The following FGF3 variants were observed in gnomAD, a reference collection of about 807,000 sequenced individuals.
FGF3 encodes the protein FGF-3.
FGF3 carries 7 observed loss-of-function variants against 9.8 expected under a neutral mutation model. That is an observed-to-expected ratio of 0.72 (90% CI 0.41 to 1.35). The LOEUF (loss-of-function observed/expected upper bound fraction) is 1.35, where lower values mean the gene tolerates loss of function less well. Ranked by LOEUF, FGF3 falls within the 40% of genes most tolerant of loss-of-function variation. The pLI, the probability that FGF3 is intolerant of heterozygous loss-of-function variation, is 0.01. For missense variants in FGF3, 390 were observed against 345.6 expected, an observed-to-expected ratio of 1.13 and a Z score of -1.02; for synonymous variants, 173 against 157.2, an observed-to-expected ratio of 1.10 and a Z score of -0.75.
Position 69,810,602 on chromosome 11 carries a change from A to G in FGF3, c.423T>C (p.Pro141=), listed in dbSNP as rs538038784. 4.3e-6 allele frequency: 7 copies of G among 1,610,956 alleles called. No homozygotes were observed. The East Asian group carries it at 1.1e-4, about 26-fold the overall frequency. ...SRLYRTVSST[P]GARRQPSAER... ...CGGCGCTGGGCTGCCGGCGGGCCCC[A>G]GGCGTACTAGACACCGTCCGGTACA... The change falls in exon 3 of 3, where the codon CCT becomes CCC. Residue 141 remains proline (P), a synonymous_variant. Transcript: ENST00000334134.
chr11:69,818,672 C>G (rs1554981365), intron 1 of FGF3, 42 bp downstream of exon 1: 2 of 1,413,554 alleles, frequency 1.4e-6, no homozygotes, highest in East Asian at 3.1e-5. Context: ...CGACCCCTCC[C>G]GGCGCCGCTT....
intron 2 of FGF3, among the ~76,000 whole-genome samples, chr11:69,813,474 C>T (rs1169088831): frequency 6.6e-6 from 1 of 152,174 alleles, no homozygotes; most frequent in Non-Finnish European, 1.5e-5. Flanking sequence ...TTAACATGCA[C>T]TAGCAGAGTG....
chr11:69,815,770 G>T (rs1340202079), intron 2 of FGF3, among the ~76,000 whole-genome samples: 1 of 152,174 alleles, frequency 6.6e-6, no homozygotes, highest in Non-Finnish European at 1.5e-5. Flanking sequence ...CGGAGGCCCA[G>T]GCAGTAGATA....
chr11:69,815,354 G>A (rs1249078115), intron 2 of FGF3, among the ~76,000 whole-genome samples: 8 of 151,690 alleles, frequency 5.3e-5, no homozygotes, highest in African/African-American at 9.7e-5. Context: ...GGGTGGATGG[G>A]TGGATGGGTG....
At chr11:69,815,108 TG>T (rs1856105755) in intron 2 of FGF3, among the ~76,000 whole-genome samples, 1 of 38,588 alleles carries the variant, frequency 2.6e-5, no homozygotes, top group Admixed American at 1.7e-4. Context: ...GGTGGATAGG[TG>T]GATGGATGGA....
chr11:69,814,298 C>T (rs1484173268), intron 2 of FGF3, among the ~76,000 whole-genome samples: 2 of 151,770 alleles, frequency 1.3e-5, no homozygotes, highest in African/African-American at 4.8e-5. Flanking sequence ...GATGCAGGGG[C>T]GTGGTCTGAG....
Position 69,819,082 on chromosome 11 carries a change from A to T in FGF3, c.-149T>A, listed in dbSNP as rs1414112190. 28 of 399,438 alleles carry T rather than the reference A, an allele frequency of 7.0e-5. No homozygotes were observed. The highest frequency in any genetic ancestry group is 6.1e-4 in the African/African-American group (28 of 45,792). 24.7% of individuals were successfully genotyped at this position (399,438 alleles called of 1,614,324 possible). A position where few individuals can be genotyped will look rare whatever the true frequency, so the allele number is the denominator to read the frequency against. On this transcript the variant is annotated 5_prime_UTR_variant, in exon 1 of 3. Transcript: ENST00000334134. ...CCGGCTTCGCGGGAAAGGTGGGGGA[A>T]GAAGGGGGAAGGGTGGGCGAGAGAG...
At chr11:69,818,044 C>A (rs1283911815) in intron 1 of FGF3, among the ~76,000 whole-genome samples, 1 of 152,164 alleles carries the variant, frequency 6.6e-6, no homozygotes, top group Non-Finnish European at 1.5e-5. Flanking sequence ...ACCCTCCTGT[C>A]GCTGTGCGGC....
rs201269397 is a variant in FGF3 at position 69,816,305 on chromosome 11, A to G, written c.324+15T>C. The G allele has an allele frequency of 8.5e-4, 1,368 of 1,600,686 alleles. 7 individuals carry two copies. The African/African-American group carries it at 0.017, about 20-fold the overall frequency. On this transcript the variant is annotated intron_variant, in intron 2 of 2. Coordinates refer to ENST00000334134, the MANE Select transcript of FGF3 (RefSeq NM_005247.4). Reference sequence around the variant, plus strand: ...TACTCCGTCAGCGCCCACCCACGTGACAGCCTGGACTCACCGAAGCATAGA... The same window carrying G: ...TACTCCGTCAGCGCCCACCCACGTGGCAGCCTGGACTCACCGAAGCATAGA...
rs1450818144 is a variant in FGF3, at chr11:69,818,864, G to A, written c.70C>T (p.Arg24Trp). The A allele has an allele frequency of 1.4e-6, 2 of 1,461,062 alleles. No homozygotes were observed. Among genetic ancestry groups the A allele is most frequent in the African/African-American group, 1.5e-5 (1 of 67,578 alleles). The allele number at this position is 1,461,062 out of a possible 1,614,324, so 90.5% of individuals were successfully genotyped here. Reference protein sequence around the residue: ...PGWPAAGPGARLRRDAGGRGG... With the variant: ...PGWPAAGPGAWLRRDAGGRGG... ...CGGCCGCCCGCATCGCGCCGCAACC[G>A]CGCCCCAGGGCCCGCTGCGGGCCAG... Residue 24 changes from arginine (R) to tryptophan (W), a missense_variant, in exon 1 of 3, where the codon CGG (arginine) becomes TGG (tryptophan). Coordinates refer to ENST00000334134, the MANE Select transcript of FGF3 (RefSeq NM_005247.4).
chr11:69,810,777 C>G, intron 2 of FGF3, 77 bp from the exon 3 acceptor site: 2 of 1,348,886 alleles, frequency 1.5e-6, no homozygotes, highest in Non-Finnish European at 2.0e-6. Context: ...CCTGATGCCT[C>G]CCTCCCCTCC....
At position 69,810,370 on chromosome 11, in the gene FGF3, T is replaced by C. The variant is rs1554980299; in HGVS notation, c.655A>G (p.Asn219Asp). 1 of 1,565,262 alleles carries C rather than the reference T, an allele frequency of 6.4e-7. No homozygotes were observed. The highest frequency in any genetic ancestry group is 1.2e-5 in the South Asian group (1 of 86,128). ...GCCTGAACGTGAGAGGGCTCCAGGT[T>C]ATCCGGGCTCTGCTTCTGCCGCCGC... ...RRRRQKQSPD[N>D]LEPSHVQASR... is the part of the protein sequence containing the mutation. Residue 219 changes from asparagine to aspartate, a missense_variant, in exon 3 of 3, where the codon AAC becomes GAC. Asn to Asp is a conservative substitution (Grantham distance 23). Coordinates refer to ENST00000334134, the MANE Select transcript of FGF3 (RefSeq NM_005247.4).
intron 2 of FGF3, among the ~76,000 whole-genome samples, chr11:69,811,176 G>A (rs939205666): frequency 6.6e-6 from 1 of 152,190 alleles, no homozygotes; most frequent in African/African-American, 2.4e-5. Flanking sequence ...GGCTGGGCAC[G>A]GTGGCTCATG....
chr11:69,813,581 T>G (rs1856061475), intron 2 of FGF3, among the ~76,000 whole-genome samples: 1 of 111,866 alleles, frequency 8.9e-6, no homozygotes. Context: ...GATGGATGGA[T>G]GGATAGATGG....
chr11:69,818,664 A>G (rs1856184570), intron 1 of FGF3, 50 bp downstream of exon 1: 7 of 1,360,584 alleles, frequency 5.1e-6, no homozygotes, highest in Middle Eastern at 2.6e-4. Flanking sequence ...CCCGGGCCCG[A>G]CCCCTCCCGG....
intron 2 of FGF3, among the ~76,000 whole-genome samples, chr11:69,813,395 G>GA (rs1856058273): frequency 6.6e-6 from 1 of 152,216 alleles, no homozygotes; most frequent in African/African-American, 2.4e-5. Context: ...GTGCCTGGGG[G>GA]ATGCCTGCGC....
rs1856081685 is a variant in FGF3, at chr11:69,813,874, G to A, written c.324+2446C>T. 2.0e-5 allele frequency among the ~76,000 whole-genome samples: 3 copies of A among 150,742 alleles called. 1 individual carries two copies. Among genetic ancestry groups the A allele is most frequent in the Non-Finnish European group, 4.5e-5 (3 of 67,398 alleles). On this transcript the variant is annotated intron_variant, in intron 2 of 2. Transcript: ENST00000334134. ...TGGATGGGTGGATGGATGGATAGGT[G>A]GATGGATGGATGGGTGGATGGCTGG...
At chr11:69,816,963 G>A (rs12574452) in intron 1 of FGF3, among the ~76,000 whole-genome samples, 49,366 of 152,090 alleles carry the variant, frequency 0.32, 8,184 homozygotes, top group East Asian at 0.41. Context: ...CTGCCACCCA[G>A]ATCATGCTGG....
At chr11:69,815,977 A>C (rs556027443) in intron 2 of FGF3, among the ~76,000 whole-genome samples, 1 of 152,228 alleles carries the variant, frequency 6.6e-6, no homozygotes, top group East Asian at 1.9e-4. Flanking sequence ...TCTTGGGTCC[A>C]TTTATTTTGG....
Sources: allele counts gnomAD v4.1 joint callset (sites outside exome capture counted in the v4.1 genomes callset), GRCh38; gene constraint gnomAD v4.1.1; transcripts MANE v1.5; gene names NCBI Gene and HGNC (gene_info 2026-07-23, HGNC 2026-07-21).